Variants in ARMC3 observed in about 807,000 individuals in gnomAD.
ARMC3 encodes the protein armadillo repeat containing 3, also known as armadillo repeat-containing protein 3.
ARMC3 carries 74 observed loss-of-function variants against 90.3 expected under a neutral mutation model. The ratio of observed to expected loss-of-function variants is 0.82; its 90% CI spans 0.68 to 0.99. The LOEUF (loss-of-function observed/expected upper bound fraction) is 0.99. Among genes scored for constraint, ARMC3 ranks in the 50% least tolerant of loss-of-function variants. ARMC3 has a pLI of 0.00. For missense variants in ARMC3, 958 were observed against 1,042.8 expected, an observed-to-expected ratio of 0.92 and a Z score of 1.12; for synonymous variants, 334 against 361.8, an observed-to-expected ratio of 0.92 and a Z score of 0.87.
At chr10:22,997,612 C>G (rs1250745262) in intron 10 of ARMC3, among the ~76,000 whole-genome samples, 1 of 152,132 alleles carries the variant, frequency 6.6e-6, no homozygotes, top group African/African-American at 2.4e-5. Flanking sequence ...AATTAACAAC[C>G]TAATTTGAAG....
chr10:23,027,274 A>T (rs1257955602), intron 16 of ARMC3, among the ~76,000 whole-genome samples: 1 of 152,222 alleles, frequency 6.6e-6, no homozygotes, highest in Non-Finnish European at 1.5e-5. Context: ...CTCATCATTT[A>T]TCTAAGTCTT....
intron 3 of ARMC3, among the ~76,000 whole-genome samples, chr10:22,947,641 C>T (rs1487213712): frequency 2.0e-5 from 3 of 151,906 alleles, no homozygotes; most frequent in Admixed American, 6.6e-5. Context: ...TAAGGAAATC[C>T]GAATAACTAA....
In ARMC3 at chr10:22,962,805, C is replaced by A. The variant is rs555934946; in HGVS notation, c.732+727C>A. ...ATTGTTAAATTTTTTTCTAAAAAAA[C>A]CAGAACTCAGTTTGATGATACAACA... is the stretch of plus-strand genomic sequence containing the variant. On this transcript the variant is annotated intron_variant, in intron 7 of 18. Transcript: ENST00000298032. 1.4e-3 allele frequency among the ~76,000 whole-genome samples: 219 copies of A among 152,196 alleles called. 2 individuals carry two copies. Among genetic ancestry groups the A allele is most frequent in the Non-Finnish European group, 2.5e-3 (169 of 67,996 alleles).
intron 10 of ARMC3, among the ~76,000 whole-genome samples, chr10:22,983,000 A>G (rs1482806243): frequency 6.6e-6 from 1 of 152,252 alleles, no homozygotes; most frequent in Non-Finnish European, 1.5e-5. Context: ...TCTTTGACAC[A>G]GTAATTTCCT....
chr10:22,971,975 C>T (rs887509997), intron 8 of ARMC3, among the ~76,000 whole-genome samples: 1 of 152,216 alleles, frequency 6.6e-6, no homozygotes, highest in African/African-American at 2.4e-5. Flanking sequence ...CGTGTACTTA[C>T]TGGCCACTTG....
At chr10:22,942,732 C>T (rs1045053863) in intron 2 of ARMC3, among the ~76,000 whole-genome samples, 1 of 152,032 alleles carries the variant, frequency 6.6e-6, no homozygotes, top group Non-Finnish European at 1.5e-5. Context: ...CAATGCCATT[C>T]CTAGATAAAT....
intron 16 of ARMC3, among the ~76,000 whole-genome samples, chr10:23,019,358 A>G (rs1021740249): frequency 1.1e-4 from 17 of 152,194 alleles, no homozygotes; most frequent in African/African-American, 4.1e-4. Context: ...TGTAAATATA[A>G]AGTGAATACA....
At position 23,006,866 on chromosome 10, in the gene ARMC3, C is replaced by A; in HGVS notation, c.1732-18C>A. 6.2e-7 allele frequency: 1 copy of A among 1,611,310 alleles called. No individual in the cohort carries two copies. The highest frequency in any genetic ancestry group is 8.5e-7 in the Non-Finnish European group (1 of 1,177,736). On this transcript the variant is annotated intron_variant, in intron 13 of 18. Coordinates refer to ENST00000298032, the MANE Select transcript of ARMC3 (RefSeq NM_173081.5). Reference sequence around the variant, plus strand: ...ACCCCTGCAGATACTACTTTTTGGTCCTTAAATTATCTCACAGATAAATCC... The same window carrying A: ...ACCCCTGCAGATACTACTTTTTGGTACTTAAATTATCTCACAGATAAATCC...
intron 7 of ARMC3, among the ~76,000 whole-genome samples, chr10:22,962,589 C>T (rs983638361): frequency 3.3e-5 from 5 of 152,142 alleles, no homozygotes; most frequent in South Asian, 2.1e-4. Flanking sequence ...CTGTGTCTTT[C>T]GCCACTAATT....
intron 18 of ARMC3, among the ~76,000 whole-genome samples, chr10:23,033,922 T>C (rs978961648): frequency 6.6e-6 from 1 of 152,124 alleles, no homozygotes; most frequent in African/African-American, 2.4e-5. Flanking sequence ...AAGGATCAGG[T>C]TGAAGAGAGG....
In ARMC3 at chr10:23,006,773, T is replaced by A. The variant is rs929393517; in HGVS notation, c.1732-111T>A. 3 of 819,326 alleles carry A rather than the reference T, an allele frequency of 3.7e-6. No homozygotes were observed. The Admixed American group carries it at 5.4e-5, about 15-fold the overall frequency. The allele number at this position is 819,326 out of a possible 1,614,324, so 50.8% of individuals were successfully genotyped here. On this transcript the variant is annotated intron_variant, in intron 13 of 18. Coordinates refer to ENST00000298032, the MANE Select transcript of ARMC3 (RefSeq NM_173081.5). ...TGTATATTGTACATGTGTGTGTTTGTGTGTGTGAAATGAGACACCGCAAAC... is the reference window on the plus strand; with the variant it reads ...TGTATATTGTACATGTGTGTGTTTGAGTGTGTGAAATGAGACACCGCAAAC...
intron 2 of ARMC3, among the ~76,000 whole-genome samples, chr10:22,939,392 G>C (rs190834595): frequency 1.3e-5 from 2 of 152,258 alleles, no homozygotes; most frequent in East Asian, 3.9e-4. Flanking sequence ...GTGCCGTTAA[G>C]TCAAACCCTC....
chr10:22,964,851 G>A (rs149632421), intron 7 of ARMC3, among the ~76,000 whole-genome samples: 67 of 151,508 alleles, frequency 4.4e-4, no homozygotes, highest in African/African-American at 1.5e-3. Context: ...ATTACAATAC[G>A]CAACTTAACT....
intron 1 of ARMC3, among the ~76,000 whole-genome samples, chr10:22,929,094 C>A (rs1217557530): frequency 1.3e-5 from 2 of 151,908 alleles, no homozygotes; most frequent in African/African-American, 4.8e-5. Flanking sequence ...AGCGTGGTGG[C>A]GGGTACCTGT....
At chr10:22,949,951 T>G (rs1294072427) in intron 3 of ARMC3, among the ~76,000 whole-genome samples, 3 of 152,082 alleles carry the variant, frequency 2.0e-5, no homozygotes, top group African/African-American at 4.8e-5. Context: ...TCATCAGAAG[T>G]TATGCAAGTG....
intron 10 of ARMC3, among the ~76,000 whole-genome samples, chr10:22,985,377 G>T (rs942275763): frequency 6.6e-6 from 1 of 152,046 alleles, no homozygotes; most frequent in Non-Finnish European, 1.5e-5. Context: ...TTTGACCTTC[G>T]ATGCATTTTG....
chr10:22,970,117 TA>T (rs1459143511), intron 8 of ARMC3, among the ~76,000 whole-genome samples: 1 of 152,204 alleles, frequency 6.6e-6, no homozygotes, highest in Non-Finnish European at 1.5e-5. Flanking sequence ...TCAAAGTGAT[TA>T]ATGATGGAAA....
chr10:22,959,238 T>C, intron 5 of ARMC3, 100 bp downstream of exon 5: 2 of 1,361,948 alleles, frequency 1.5e-6, no homozygotes, highest in Non-Finnish European at 2.1e-6. Context: ...TGTAAAGTGT[T>C]ATTAAAATCT....
chr10:22,962,085 A>G lies in ARMC3; in HGVS notation c.732+7A>G. The G allele has an allele frequency of 6.6e-7, 1 of 1,525,822 alleles. No homozygotes were observed. The highest frequency in any genetic ancestry group is 8.8e-7 in the Non-Finnish European group (1 of 1,134,086). The allele number at this position is 1,525,822 out of a possible 1,614,324, so 94.5% of individuals were successfully genotyped here. On this transcript the variant is annotated splice_region_variant and intron_variant, in intron 7 of 18. Transcript: ENST00000298032. Reference sequence around the variant, plus strand: ...TAAGATCCTAGAAACTAAGGTATTTAGTTTCATTCATTCCACCCTCTATGA... The same window carrying G: ...TAAGATCCTAGAAACTAAGGTATTTGGTTTCATTCATTCCACCCTCTATGA...
Sources: allele counts gnomAD v4.1 joint callset (sites outside exome capture counted in the v4.1 genomes callset), GRCh38; gene constraint gnomAD v4.1.1; transcripts MANE v1.5; gene names NCBI Gene and HGNC (gene_info 2026-07-23, HGNC 2026-07-21).